Variants in SLC6A6 observed in about 807,000 individuals in gnomAD.
The protein encoded by SLC6A6 is solute carrier family 6 member 6, also known as sodium- and chloride-dependent taurine transporter.
In SLC6A6, 16 loss-of-function variants were observed where a neutral mutation model predicts 68.8. The observed-to-expected ratio is 0.23, with a 90% CI of 0.16 to 0.35. The LOEUF (loss-of-function observed/expected upper bound fraction) is 0.35. Among genes scored for constraint, SLC6A6 ranks in the 10% least tolerant of loss-of-function variants. The probability of loss-of-function intolerance (pLI) is 1.00; values close to 1 mark genes in which losing one functional copy is unlikely to be tolerated. For missense variants in SLC6A6, 474 were observed against 802.8 expected (o/e 0.59, Z 4.95); for synonymous variants, 312 against 315.4 (o/e 0.99, Z 0.12).
At chr3:14,454,476 C>T (rs1349110222) in intron 5 of SLC6A6, among the ~76,000 whole-genome samples, 4 of 152,060 alleles carry the variant, frequency 2.6e-5, no homozygotes, top group Non-Finnish European at 4.4e-5. Context: ...GCTGGGAAGA[C>T]CCTGGAAGTC....
intron 4 of SLC6A6, among the ~76,000 whole-genome samples, chr3:14,446,483 A>G (rs7651153): frequency 0.44 from 66,786 of 152,050 alleles, 15,621 homozygotes; most frequent in African/African-American, 0.6. Flanking sequence ...GCAGGAATCT[A>G]TGGAAGTGCA....
intron 5 of SLC6A6, 174 bp downstream of exon 5, chr3:14,447,990 G>T (rs561410809): frequency 1.4e-6 from 2 of 1,418,428 alleles, no homozygotes; most frequent in African/African-American, 1.4e-5. Context: ...TGGAATCCCA[G>T]TTCTGCCACT....
At chr3:14,470,310 A>AAT (rs1238684014) in intron 9 of SLC6A6, among the ~76,000 whole-genome samples, 1 of 152,196 alleles carries the variant, frequency 6.6e-6, no homozygotes, top group Non-Finnish European at 1.5e-5. Context: ...TTATTTCTCT[A>AAT]ATAAGCTTTT....
At position 14,459,593 on chromosome 3, in the gene SLC6A6, C is replaced by T. The variant is rs568292020; in HGVS notation, c.732+1511C>T. 1.9e-3 allele frequency among the ~76,000 whole-genome samples: 292 copies of T among 152,200 alleles called. 1 individual carries two copies. The highest frequency in any genetic ancestry group is 3.3e-3 in the Non-Finnish European group (222 of 68,008). On this transcript the variant is annotated intron_variant, in intron 6 of 14. Coordinates refer to ENST00000622186, the MANE Select transcript of SLC6A6 (RefSeq NM_003043.6). ...TGCCCACCAGTGAGCACGGTCCTGC[C>T]CGGAACAGGCGGGAGCAGGGGACAT...
intron 2 of SLC6A6, among the ~76,000 whole-genome samples, chr3:14,428,128 C>T (rs1428406989): frequency 6.6e-6 from 1 of 152,140 alleles, no homozygotes. Context: ...TTGATGGGGA[C>T]CCCAGGATCC....
chr3:14,408,509 A>G (rs940947664), intron 1 of SLC6A6, among the ~76,000 whole-genome samples: 1 of 151,752 alleles, frequency 6.6e-6, no homozygotes, highest in African/African-American at 2.4e-5. Flanking sequence ...TAATTTTTGT[A>G]TTTTTAGTAG....
chr3:14,470,780 G>A (rs3773170), intron 9 of SLC6A6, among the ~76,000 whole-genome samples: 6,791 of 152,220 alleles, frequency 0.045, 219 homozygotes, highest in East Asian at 0.15. Context: ...TCATCTCACC[G>A]GGTCCTGGGG....
intron 1 of SLC6A6, among the ~76,000 whole-genome samples, chr3:14,410,847 G>A (rs779732894): frequency 1.3e-5 from 2 of 152,244 alleles, no homozygotes; most frequent in African/African-American, 2.4e-5. Flanking sequence ...TGGAGGTGGA[G>A]GAGTGTGGTT....
chr3:14,443,745 A>T lies in SLC6A6; in HGVS notation c.111A>T (p.Lys37Asn). 1.2e-6 allele frequency: 2 copies of T among 1,613,704 alleles called. No individual in the cohort carries two copies. The highest frequency in any genetic ancestry group is 1.7e-6 in the Non-Finnish European group (2 of 1,179,806). Residue 37 changes from lysine (K) to asparagine (N), a missense_variant, in exon 3 of 15, where the codon AAA becomes AAT. Lys to Asn is a moderately conservative substitution (Grantham distance 94). This residue lies in a region of SLC6A6 where 280 missense variants were observed against 533.1 expected (regional missense o/e 0.53). Transcript: ENST00000622186. ...GGCCTGAGGACGAGGCTGAGGGAAA[A>T]CCTCCGCAGAGGGAGAAGTGGTCTA... The part of the protein sequence containing the change: ...GTRPEDEAEG[K>N]PPQREKWSSK...
intron 10 of SLC6A6, among the ~76,000 whole-genome samples, chr3:14,474,370 G>A (rs557016140): frequency 6.6e-6 from 1 of 152,262 alleles, no homozygotes; most frequent in African/African-American, 2.4e-5. Flanking sequence ...GCGTGTGTTT[G>A]GGGTGACCAC....
chr3:14,479,961 T>G (rs554636880), intron 13 of SLC6A6, among the ~76,000 whole-genome samples: 1 of 152,198 alleles, frequency 6.6e-6, no homozygotes, highest in Non-Finnish European at 1.5e-5. Context: ...TGGCCCAATA[T>G]TCCTTGGATT....
chr3:14,452,357 C>T (rs1700271710), intron 5 of SLC6A6, among the ~76,000 whole-genome samples: 1 of 152,226 alleles, frequency 6.6e-6, no homozygotes, highest in African/African-American at 2.4e-5. Flanking sequence ...GGAGCTAAGA[C>T]CAGGGATGTG....
chr3:14,482,291 T>C (rs3773166), intron 14 of SLC6A6, among the ~76,000 whole-genome samples: 50,805 of 152,060 alleles, frequency 0.33, 11,001 homozygotes, highest in African/African-American at 0.6. Flanking sequence ...GATGCCTTCT[T>C]TTATTGAGGA....
intron 9 of SLC6A6, among the ~76,000 whole-genome samples, chr3:14,471,877 A>G (rs1700760066): frequency 6.6e-6 from 1 of 152,122 alleles, no homozygotes; most frequent in African/African-American, 2.4e-5. Context: ...TTGGGGTGGG[A>G]GGATCCTCCC....
At chr3:14,429,309 G>A (rs1699670410) in intron 2 of SLC6A6, among the ~76,000 whole-genome samples, 1 of 152,208 alleles carries the variant, frequency 6.6e-6, no homozygotes, top group Non-Finnish European at 1.5e-5. Flanking sequence ...TAAGTTGAGG[G>A]CCAAGGTCTT....
chr3:14,408,608 G>A (rs1699162987), intron 1 of SLC6A6, among the ~76,000 whole-genome samples: 1 of 152,122 alleles, frequency 6.6e-6, no homozygotes, highest in Non-Finnish European at 1.5e-5. Flanking sequence ...ATGCTGGGCA[G>A]TCTATCATAT....
At chr3:14,407,515 T>TC (rs1389010980) in intron 1 of SLC6A6, among the ~76,000 whole-genome samples, 3 of 151,408 alleles carry the variant, frequency 2.0e-5, no homozygotes, top group African/African-American at 7.3e-5. Flanking sequence ...TTTTTCTTTT[T>TC]TTTTTTTTTT....
At chr3:14,484,542 G>A (rs190992262) in intron 14 of SLC6A6, among the ~76,000 whole-genome samples, 8 of 152,260 alleles carry the variant, frequency 5.3e-5, no homozygotes, top group Admixed American at 1.3e-4. Context: ...AGAATCACAG[G>A]GAGGCATATT....
rs1439068597 is a variant in SLC6A6, at chr3:14,481,640, C to T, written c.1552-31C>T. Reference sequence around the variant, plus strand: ...CCCCCCACCCCCCGATGCCCAGGACCCCTCTCCTGACTGCCCCCATCTCTC... The same window carrying T: ...CCCCCCACCCCCCGATGCCCAGGACTCCTCTCCTGACTGCCCCCATCTCTC... On this transcript the variant is annotated intron_variant, in intron 13 of 14. Coordinates refer to ENST00000622186, the MANE Select transcript of SLC6A6 (RefSeq NM_003043.6). The surrounding 1 kb of genome is among the most constrained non-coding windows in gnomAD (Gnocchi z 4.7). 2 of 1,557,156 alleles carry T rather than the reference C, an allele frequency of 1.3e-6. No homozygotes were observed. The highest frequency in any genetic ancestry group is 2.7e-5 in the African/African-American group (2 of 73,874).
Sources: gnomAD v4.1 joint callset for allele counts (sites outside exome capture counted in the v4.1 genomes callset) on GRCh38, gnomAD v4.1.1 for gene constraint, gnomAD v4.1.1 regional missense constraint, Gnocchi (gnomAD v3.1) non-coding constraint, MANE v1.5 for transcripts, NCBI Gene and HGNC (gene_info 2026-07-23, HGNC 2026-07-21) for gene names.